The following AVEN variants were observed in gnomAD, a reference collection of about 807,000 sequenced individuals.
AVEN encodes the protein cell death regulator Aven.
Under a neutral mutation model 38.1 loss-of-function variants are expected in AVEN, and 41 were observed. The observed-to-expected ratio is 1.08, with a 90% CI of 0.84 to 1.40. AVEN has a LOEUF of 1.40. Ranked by LOEUF, AVEN falls within the 40% of genes most tolerant of loss-of-function variation. The pLI, the probability that AVEN is intolerant of heterozygous loss-of-function variation, is 0.00. For missense variants in AVEN, 605 were observed against 438.8 expected (o/e 1.38, Z -3.38); for synonymous variants, 206 against 171.8 (o/e 1.20, Z -1.56).
chr15:33,870,826 C>T (rs936392829), intron 4 of AVEN, 109 bp downstream of exon 4: 1 of 736,916 alleles, frequency 1.4e-6, no homozygotes, highest in Non-Finnish European at 2.0e-6. Context: ...GAAACCCTCA[C>T]TTTTATAAAG....
At chr15:34,035,594 G>A (rs1051209427) in intron 1 of AVEN, among the ~76,000 whole-genome samples, 5 of 151,966 alleles carry the variant, frequency 3.3e-5, no homozygotes, top group Admixed American at 2.6e-4. Flanking sequence ...GTTATTTAAC[G>A]GTGCCTCAGC....
chr15:34,047,022 C>G (rs1437933755), intron 5 of AVEN, among the ~76,000 whole-genome samples: 2 of 152,008 alleles, frequency 1.3e-5, no homozygotes, highest in Non-Finnish European at 2.9e-5. Context: ...AGCAGCCGCT[C>G]AGGCACAAAC....
At chr15:33,997,455 G>C (rs917998771) in intron 2 of AVEN, among the ~76,000 whole-genome samples, 1 of 151,998 alleles carries the variant, frequency 6.6e-6, no homozygotes, top group Non-Finnish European at 1.5e-5. Flanking sequence ...CTCCAAAGAC[G>C]AGGTCTCCAC....
chr15:34,028,796 A>G (rs2632075), intron 1 of AVEN, among the ~76,000 whole-genome samples: 97,430 of 151,810 alleles, frequency 0.64, 36,617 homozygotes, highest in Non-Finnish European at 0.85. Context: ...GGGTGAGAAG[A>G]TAGGATTCTA....
At chr15:33,896,097 T>C (rs555369600) in intron 2 of AVEN, among the ~76,000 whole-genome samples, 1 of 152,272 alleles carries the variant, frequency 6.6e-6, no homozygotes, top group Admixed American at 6.5e-5. Flanking sequence ...ATTAAACTGT[T>C]TCCAAGTAAC....
downstream of AVEN, chr15:33,864,637 A>C (rs1889823350): frequency 5.7e-6 from 1 of 174,316 alleles, no homozygotes; most frequent in African/African-American, 2.4e-5. Flanking sequence ...TTTGTGACTA[A>C]ATGTGAAAAA....
intron 2 of AVEN, among the ~76,000 whole-genome samples, chr15:34,068,925 C>T (rs1464596726): frequency 6.6e-6 from 1 of 151,822 alleles, no homozygotes; most frequent in Non-Finnish European, 1.5e-5. Context: ...CATTCTCCTG[C>T]CTCAGCCTCC....
intron 2 of AVEN, among the ~76,000 whole-genome samples, chr15:33,894,311 T>C (rs1430480306): frequency 2.0e-5 from 3 of 151,972 alleles, no homozygotes; most frequent in Non-Finnish European, 4.4e-5. Flanking sequence ...AAGGAGCCAC[T>C]GAACTCTGCC....
intron 2 of AVEN, among the ~76,000 whole-genome samples, chr15:33,887,249 G>C (rs930496108): frequency 2.6e-5 from 4 of 152,276 alleles, no homozygotes; most frequent in South Asian, 2.1e-4. Context: ...AACTACTTGA[G>C]AAATAGCTAG....
At chr15:33,913,933 G>T (rs1351453778) in intron 2 of AVEN, among the ~76,000 whole-genome samples, 1 of 152,116 alleles carries the variant, frequency 6.6e-6, no homozygotes, top group Non-Finnish European at 1.5e-5. Context: ...GGAAATATGT[G>T]GATATAAAAT....
intron 1 of AVEN, among the ~76,000 whole-genome samples, chr15:34,038,162 G>C (rs1195594905): frequency 6.6e-6 from 1 of 152,170 alleles, no homozygotes; most frequent in Non-Finnish European, 1.5e-5. Flanking sequence ...AGTGCTCGCT[G>C]ATTTCTACAC....
At chr15:33,951,254 C>T (rs1005054948) in intron 2 of AVEN, among the ~76,000 whole-genome samples, 36 of 152,086 alleles carry the variant, frequency 2.4e-4, no homozygotes, top group African/African-American at 5.3e-4. Flanking sequence ...CTCTCAGGTA[C>T]GCTTCCTTCA....
intron 2 of AVEN, among the ~76,000 whole-genome samples, chr15:33,988,634 T>C (rs7177186): frequency 0.22 from 34,099 of 152,038 alleles, 4,328 homozygotes; most frequent in Middle Eastern, 0.41. Context: ...CACACACACG[T>C]CTTGCCTATT....
intron 2 of AVEN, among the ~76,000 whole-genome samples, chr15:33,981,475 C>A (rs1019337407): frequency 1.3e-5 from 2 of 152,086 alleles, no homozygotes; most frequent in Non-Finnish European, 2.9e-5. Flanking sequence ...AAGCTTTCTT[C>A]TTTTAACAGA....
intron 2 of AVEN, among the ~76,000 whole-genome samples, chr15:33,925,590 T>A (rs561720196): frequency 6.6e-6 from 1 of 152,284 alleles, no homozygotes; most frequent in African/African-American, 2.4e-5. Flanking sequence ...GTTAATTGCA[T>A]AAGACACTTA....
At chr15:33,884,227 T>C (rs566152228) in intron 2 of AVEN, among the ~76,000 whole-genome samples, 1 of 152,174 alleles carries the variant, frequency 6.6e-6, no homozygotes, top group Non-Finnish European at 1.5e-5. Context: ...CTTGGCTATC[T>C]TGAGTTCCCC....
intron 2 of AVEN, among the ~76,000 whole-genome samples, chr15:33,914,334 G>A (rs2153046089): frequency 6.6e-6 from 1 of 152,224 alleles, no homozygotes; most frequent in East Asian, 1.9e-4. Flanking sequence ...TAGCACGTAT[G>A]CGCACAGATG....
intron 2 of AVEN, among the ~76,000 whole-genome samples, chr15:33,961,564 A>G (rs372491565): frequency 6.6e-6 from 1 of 152,040 alleles, no homozygotes; most frequent in African/African-American, 2.4e-5. Flanking sequence ...CTGTAATCCC[A>G]GCACTTTGGG....
At chr15:33,903,411 G>A (rs118100348) in intron 2 of AVEN, among the ~76,000 whole-genome samples, 6,358 of 152,254 alleles carry the variant, frequency 0.042, 186 homozygotes, top group Middle Eastern at 0.075. Flanking sequence ...CACAGTCCCT[G>A]GGCGCTCCCA....
Sources: gnomAD v4.1 joint callset for allele counts (sites outside exome capture counted in the v4.1 genomes callset) on GRCh38, gnomAD v4.1.1 for gene constraint, MANE v1.5 for transcripts, NCBI Gene and HGNC (gene_info 2026-07-23, HGNC 2026-07-21) for gene names.